The following HTR6 variants were observed in gnomAD, a reference collection of about 807,000 sequenced individuals.
HTR6 encodes 5-hydroxytryptamine (serotonin) receptor 6, G protein-coupled.
Under a neutral mutation model 17.4 loss-of-function variants are expected in HTR6, and 15 were observed. The observed-to-expected ratio is 0.86, with a 90% CI of 0.58 to 1.33. HTR6 has a LOEUF of 1.33. Ranked by LOEUF, HTR6 falls within the 40% of genes most tolerant of loss-of-function variation. The probability of loss-of-function intolerance (pLI) is 0.00; values close to 1 mark genes in which losing one functional copy is unlikely to be tolerated. For synonymous variants in HTR6, 326 were observed against 295.5 expected, an observed-to-expected ratio of 1.10 and a Z score of -1.06; for missense variants, 578 against 616.0, an observed-to-expected ratio of 0.94 and a Z score of 0.65.
At chr1:19,667,588 G>A (rs375136003) in intron 1 of HTR6, among the ~76,000 whole-genome samples, 1 of 152,070 alleles carries the variant, frequency 6.6e-6, no homozygotes, top group Non-Finnish European at 1.5e-5. Flanking sequence ...GCTAACTTTT[G>A]TATTTTTGGT....
chr1:19,673,034 A>T (rs1013048053), intron 1 of HTR6, among the ~76,000 whole-genome samples: 1 of 152,148 alleles, frequency 6.6e-6, no homozygotes, highest in Non-Finnish European at 1.5e-5. Context: ...TGTTGGTAAA[A>T]TATGTTTCTG....
chr1:19,667,354 T>C (rs1004454642), intron 1 of HTR6, among the ~76,000 whole-genome samples: 5 of 152,172 alleles, frequency 3.3e-5, no homozygotes, highest in Admixed American at 1.3e-4. Context: ...CTCCCTGACT[T>C]GAATATAAGC....
chr1:19,676,021 G>A (rs143706474), intron 1 of HTR6, among the ~76,000 whole-genome samples: 183 of 152,214 alleles, frequency 1.2e-3, no homozygotes, highest in African/African-American at 4.0e-3. Flanking sequence ...CATCTGAGCC[G>A]CAGCGTGGTG....
chr1:19,677,972 T>G (rs1478124198), intron 1 of HTR6, among the ~76,000 whole-genome samples: 3 of 152,208 alleles, frequency 2.0e-5, no homozygotes, highest in African/African-American at 7.2e-5. Flanking sequence ...ACTCCTGACC[T>G]CAAGTGATCT....
rs1319887230 is a variant in HTR6 at position 19,666,659 on chromosome 1, T to A, written c.714+192T>A. ...CACCACAGGATAGCTCCGTCAGGATTTGGGGGCAGGCTTCTCCCAGGTACC... is the reference window on the plus strand; with the variant it reads ...CACCACAGGATAGCTCCGTCAGGATATGGGGGCAGGCTTCTCCCAGGTACC... On this transcript the variant is annotated intron_variant, in intron 1 of 2. Transcript: ENST00000289753. The surrounding 1 kb of genome is among the most constrained non-coding windows in gnomAD (Gnocchi z 4.5). Among the ~76,000 whole-genome samples, 2 of 151,936 alleles carry A rather than the reference T, an allele frequency of 1.3e-5. No homozygotes were observed. The highest frequency in any genetic ancestry group is 2.9e-5 in the Non-Finnish European group (2 of 67,980).
chr1:19,675,624 G>C (rs2095093282), intron 1 of HTR6, among the ~76,000 whole-genome samples: 1 of 151,986 alleles, frequency 6.6e-6, no homozygotes, highest in Admixed American at 6.6e-5. Context: ...ATTCCCCCTA[G>C]TGCCTCAGTT....
At chr1:19,670,944 T>C (rs1369842858) in intron 1 of HTR6, among the ~76,000 whole-genome samples, 1 of 152,180 alleles carries the variant, frequency 6.6e-6, no homozygotes, top group African/African-American at 2.4e-5. Context: ...TTGAGTGTCA[T>C]GATCCTGAAC....
intron 1 of HTR6, among the ~76,000 whole-genome samples, chr1:19,673,834 T>A (rs958023235): frequency 6.6e-6 from 1 of 150,948 alleles, no homozygotes; most frequent in Non-Finnish European, 1.5e-5. Flanking sequence ...GGGACATGCA[T>A]CAATTTAGGA....
In HTR6 at chr1:19,665,888, G is replaced by T. The variant is rs370133428; in HGVS notation, c.135G>T (p.Ser45=). The T allele has an allele frequency of 1.6e-5, 25 of 1,609,416 alleles. 1 individual carries two copies. In the Middle Eastern group the frequency reaches 8.3e-4, roughly 53 times the overall value. ...VVIALTAAAN[S]LLIALICTQP... Reference sequence around the variant, plus strand: ...TCGCGCTGACGGCGGCGGCCAACTCGCTGCTGATCGCGCTCATCTGCACTC... The same window carrying T: ...TCGCGCTGACGGCGGCGGCCAACTCTCTGCTGATCGCGCTCATCTGCACTC... Residue 45 remains serine, a synonymous_variant, in exon 1 of 3, where the codon TCG becomes TCT. Coordinates refer to ENST00000289753, the MANE Select transcript of HTR6 (RefSeq NM_000871.3). The surrounding 1 kb of genome is among the most constrained non-coding windows in gnomAD (Gnocchi z 4.2).
intron 1 of HTR6, among the ~76,000 whole-genome samples, chr1:19,670,571 TCTC>T (rs1456016500): frequency 6.6e-6 from 1 of 151,630 alleles, no homozygotes; most frequent in Non-Finnish European, 1.5e-5. Context: ...TTCAAGCAAT[TCTC>T]CTGCCTCAGC....
chr1:19,675,892 A>G (rs2095093836), intron 1 of HTR6, among the ~76,000 whole-genome samples: 1 of 152,186 alleles, frequency 6.6e-6, no homozygotes, highest in Non-Finnish European at 1.5e-5. Context: ...AGGAGAGAAA[A>G]CTAGAAGAGG....
rs543713836 is a variant in HTR6, at chr1:19,679,288, G to T, written c.1243G>T (p.Ala415Ser). 1.2e-6 allele frequency: 2 copies of T among 1,606,544 alleles called. No homozygotes were observed. Among genetic ancestry groups the T allele is most frequent in the African/African-American group, 2.7e-5 (2 of 74,870 alleles). The change falls in exon 3 of 3, where the codon GCT becomes TCT. Residue 415 changes from alanine (A) to serine (S), a missense_variant. Physicochemically the swap from Ala to Ser is moderately conservative, Grantham distance 99 (BLOSUM62 1). Coordinates refer to ENST00000289753, the MANE Select transcript of HTR6 (RefSeq NM_000871.3). This position sits in a 1 kb window ranked among gnomAD's most constrained non-coding sequence, Gnocchi z 4.9. ...TQDPPLPTRAAAAVNFFNIDP... is the reference protein window; with the variant it reads ...TQDPPLPTRASAAVNFFNIDP... ...GGACCCCCCGCTGCCCACCAGGGCC[G>T]CTGCCGCCGTCAATTTCTTCAACAT...
At chr1:19,672,537 T>G (rs1278022457) in intron 1 of HTR6, among the ~76,000 whole-genome samples, 1 of 152,054 alleles carries the variant, frequency 6.6e-6, no homozygotes, top group African/African-American at 2.4e-5. Flanking sequence ...CCAGGCAGCC[T>G]GGTGCAGCCA....
chr1:19,673,389 A>T (rs138140520), intron 1 of HTR6, among the ~76,000 whole-genome samples: 1 of 152,306 alleles, frequency 6.6e-6, no homozygotes, highest in Non-Finnish European at 1.5e-5. Flanking sequence ...TGTAACTCTC[A>T]CACTATGATC....
rs755223381 is a variant in HTR6 at position 19,679,312 on chromosome 1, A to G, written c.1267A>G (p.Ile423Val). The change falls in exon 3 of 3, where the codon ATC becomes GTC. Residue 423 changes from isoleucine to valine, a missense_variant. Ile to Val is a conservative substitution (Grantham distance 29). Coordinates refer to ENST00000289753, the MANE Select transcript of HTR6 (RefSeq NM_000871.3). This position sits in a 1 kb window ranked among gnomAD's most constrained non-coding sequence, Gnocchi z 4.9. ...RAAAAVNFFN[I>V]DPAEPELRPH... ...CGCTGCCGCCGTCAATTTCTTCAAC[A>G]TCGACCCCGCGGAGCCCGAGCTGCG... 5.6e-6 allele frequency: 9 copies of G among 1,608,060 alleles called. No homozygotes were observed. In the East Asian group the frequency reaches 8.9e-5, roughly 16 times the overall value.
chr1:19,670,712 C>T (rs1189882463), intron 1 of HTR6, among the ~76,000 whole-genome samples: 1 of 152,190 alleles, frequency 6.6e-6, no homozygotes, highest in Admixed American at 6.5e-5. Flanking sequence ...AATCCACCCG[C>T]CTTGGCTTTC....
At chr1:19,669,928 G>A (rs753346633) in intron 1 of HTR6, among the ~76,000 whole-genome samples, 2 of 151,888 alleles carry the variant, frequency 1.3e-5, no homozygotes, top group East Asian at 1.9e-4. Flanking sequence ...GAGCCACTGC[G>A]CCTGGCCCTG....
Position 19,670,503 on chromosome 1 carries a change from C to T in HTR6, c.714+4036C>T, listed in dbSNP as rs186951760. 6.8e-4 allele frequency among the ~76,000 whole-genome samples: 98 copies of T among 145,162 alleles called. 1 individual carries two copies. Among genetic ancestry groups the T allele is most frequent in the African/African-American group, 2.3e-3 (88 of 38,466 alleles). Reference sequence around the variant, plus strand: ...TTTTTGAGACAGAGTCTCACTTTCTCGCCCAGGCTGGAGTGCAGTGGCGTG... The same window carrying T: ...TTTTTGAGACAGAGTCTCACTTTCTTGCCCAGGCTGGAGTGCAGTGGCGTG... On this transcript the variant is annotated intron_variant, in intron 1 of 2. Transcript: ENST00000289753.
intron 1 of HTR6, among the ~76,000 whole-genome samples, chr1:19,672,654 C>G (rs2100472429): frequency 6.6e-6 from 1 of 152,246 alleles, no homozygotes; most frequent in East Asian, 1.9e-4. Context: ...CCTTATGCTC[C>G]AGGGGTCATG....
Sources: gnomAD v4.1 joint callset for allele counts (sites outside exome capture counted in the v4.1 genomes callset) on GRCh38, gnomAD v4.1.1 for gene constraint, Gnocchi (gnomAD v3.1) non-coding constraint, MANE v1.5 for transcripts, NCBI Gene and HGNC (gene_info 2026-07-23, HGNC 2026-07-21) for gene names.